CAMTA1: variants seen among roughly 807,000 people sequenced by gnomAD.
The protein encoded by CAMTA1 is calmodulin-binding transcription activator 1.
A neutral mutation model predicts 170.9 loss-of-function variants in CAMTA1; 27 were observed. The ratio of observed to expected loss-of-function variants is 0.16; its 90% confidence interval spans 0.12 to 0.22. The LOEUF (loss-of-function observed/expected upper bound fraction) is 0.22, where lower values mean the gene tolerates loss of function less well. Ranked by LOEUF, CAMTA1 falls within the 10% of genes least tolerant of loss-of-function variation. The pLI is 1.00. For missense variants in CAMTA1, 1,619 were observed against 2,217.2 expected (o/e 0.73, Z 5.42); for synonymous variants, 833 against 891.5 (o/e 0.93, Z 1.17).
intron 6 of CAMTA1, among the ~76,000 whole-genome samples, chr1:7,586,829 TG>T (rs1267211115): frequency 6.6e-6 from 1 of 151,986 alleles, no homozygotes; most frequent in Non-Finnish European, 1.5e-5. Context: ...GCTCCCACGG[TG>T]GCTGCGGTGG....
At chr1:7,330,880 T>C (rs542405890) in intron 5 of CAMTA1, among the ~76,000 whole-genome samples, 1 of 152,260 alleles carries the variant, frequency 6.6e-6, no homozygotes, top group African/African-American at 2.4e-5. Flanking sequence ...GCTGGCCTCA[T>C]AGTCACACCA....
chr1:7,573,933 C>A (rs1364908716), intron 6 of CAMTA1, among the ~76,000 whole-genome samples: 1 of 152,030 alleles, frequency 6.6e-6, no homozygotes, highest in Non-Finnish European at 1.5e-5. Flanking sequence ...ACCACCATGC[C>A]CGGCTAATTT....
chr1:6,873,724 A>G (rs1669040690), intron 3 of CAMTA1, among the ~76,000 whole-genome samples: 1 of 152,172 alleles, frequency 6.6e-6, no homozygotes, highest in South Asian at 2.1e-4. Context: ...AGATAACCTC[A>G]TTTTTCTAAG....
intron 6 of CAMTA1, among the ~76,000 whole-genome samples, chr1:7,530,102 C>A (rs1225491243): frequency 6.6e-6 from 1 of 152,180 alleles, no homozygotes; most frequent in Non-Finnish European, 1.5e-5. Flanking sequence ...GCTACCCTCC[C>A]TTCTCTGGCA....
chr1:7,189,820 CTT>C (rs1159224827), intron 4 of CAMTA1, among the ~76,000 whole-genome samples: 1 of 152,206 alleles, frequency 6.6e-6, no homozygotes, highest in Non-Finnish European at 1.5e-5. Flanking sequence ...TGTACAAAAA[CTT>C]TCACACTCAT....
chr1:7,581,282 G>C (rs919755091), intron 6 of CAMTA1, among the ~76,000 whole-genome samples: 1 of 152,202 alleles, frequency 6.6e-6, no homozygotes, highest in Admixed American at 6.5e-5. Flanking sequence ...GGCTGCCTCC[G>C]AAGGGCCTGC....
intron 5 of CAMTA1, among the ~76,000 whole-genome samples, chr1:7,283,706 C>A (rs1290268345): frequency 2.0e-5 from 3 of 152,210 alleles, no homozygotes; most frequent in African/African-American, 4.8e-5. Context: ...CCCTCTATCA[C>A]CCCCTTGTCC....
intron 6 of CAMTA1, among the ~76,000 whole-genome samples, chr1:7,598,306 G>A (rs1021274582): frequency 6.6e-6 from 1 of 152,212 alleles, no homozygotes; most frequent in African/African-American, 2.4e-5. Context: ...TGGTGTATAT[G>A]TGCCACATTT....
At chr1:6,879,078 T>G (rs1374304477) in intron 3 of CAMTA1, among the ~76,000 whole-genome samples, 2 of 152,198 alleles carry the variant, frequency 1.3e-5, no homozygotes, top group Non-Finnish European at 2.9e-5. Context: ...GCACTTCTTT[T>G]AAAGGAAGTA....
intron 5 of CAMTA1, among the ~76,000 whole-genome samples, chr1:7,401,521 TA>T (rs112969097): frequency 0.076 from 11,316 of 147,962 alleles, 458 homozygotes; most frequent in African/African-American, 0.11. Flanking sequence ...TGTTCACTTC[TA>T]AAAAAAAAAA....
rs768108241 is a variant in CAMTA1, at chr1:7,766,534, A to G, written c.*43A>G. ...CCTTAGCAATGTGACATTGCTTTTC[A>G]GACTGTTTTCATTTCTGTTTTTAGC... On this transcript the variant is annotated 3_prime_UTR_variant, in exon 23 of 23. Coordinates refer to ENST00000303635, the MANE Select transcript of CAMTA1 (RefSeq NM_015215.4). The G allele has an allele frequency of 6.3e-7, 1 of 1,590,784 alleles. No homozygotes were observed. Among genetic ancestry groups the G allele is most frequent in the African/African-American group, 1.3e-5 (1 of 74,612 alleles).
intron 11 of CAMTA1, chr1:7,698,905 AG>A (rs1463982340): frequency 6.6e-6 from 1 of 152,276 alleles, no homozygotes; most frequent in African/African-American, 2.4e-5. Context: ...GTCATGGGAC[AG>A]GGCCTGTCTA....
chr1:6,924,920 T>C (rs996155231), intron 3 of CAMTA1, among the ~76,000 whole-genome samples: 3 of 152,220 alleles, frequency 2.0e-5, no homozygotes, highest in Non-Finnish European at 4.4e-5. Flanking sequence ...TGGGAGTTTT[T>C]TCATGTGACA....
At chr1:7,399,510 A>G (rs2089720811) in intron 5 of CAMTA1, among the ~76,000 whole-genome samples, 1 of 152,248 alleles carries the variant, frequency 6.6e-6, no homozygotes, top group Non-Finnish European at 1.5e-5. Flanking sequence ...TTGAAAAAGT[A>G]TGTATCATCA....
In CAMTA1 at chr1:7,688,696, C is replaced by G. The variant is rs577179368; in HGVS notation, c.2914+10963C>G. Among the ~76,000 whole-genome samples the G allele has an allele frequency of 3.5e-4, 54 of 152,336 alleles. 1 individual carries two copies. The highest frequency in any genetic ancestry group is 3.5e-3 in the Admixed American group (53 of 15,302). On this transcript the variant is annotated intron_variant, in intron 11 of 22. Transcript: ENST00000303635. ...ATCCAGTCCAATGCTCAGCCTCTAA[C>G]TGGGGCCAAGGACAAAGCCCTGTCC... is the stretch of plus-strand genomic sequence containing the variant.
intron 3 of CAMTA1, among the ~76,000 whole-genome samples, chr1:6,874,854 T>C (rs1212691083): frequency 1.3e-5 from 2 of 152,164 alleles, no homozygotes; most frequent in African/African-American, 4.8e-5. Flanking sequence ...GTAAGGTGTC[T>C]AGGGAGCTTT....
chr1:7,535,793 C>T (rs1319493849), intron 6 of CAMTA1, among the ~76,000 whole-genome samples: 1 of 152,156 alleles, frequency 6.6e-6, no homozygotes, highest in African/African-American at 2.4e-5. Flanking sequence ...CTCAGCCAGT[C>T]CCTGTACTTT....
At chr1:7,457,786 C>T (rs1446648898) in intron 5 of CAMTA1, among the ~76,000 whole-genome samples, 2 of 152,162 alleles carry the variant, frequency 1.3e-5, no homozygotes, top group South Asian at 2.1e-4. Context: ...TTCCTGTTCC[C>T]CATTCGACGG....
chr1:7,226,703 T>C (rs2149168856), intron 4 of CAMTA1, among the ~76,000 whole-genome samples: 1 of 151,924 alleles, frequency 6.6e-6, no homozygotes, highest in South Asian at 2.1e-4. Context: ...CATTTTGCAA[T>C]TTTTTTTTAA....
Sources: allele counts gnomAD v4.1 joint callset (sites outside exome capture counted in the v4.1 genomes callset), GRCh38; gene constraint gnomAD v4.1.1; transcripts MANE v1.5; gene names NCBI Gene and HGNC (gene_info 2026-07-23, HGNC 2026-07-21).